RAD51B: variants seen among roughly 807,000 people sequenced by gnomAD.
The protein encoded by RAD51B is DNA repair protein RAD51 homolog 2.
RAD51B carries 38 observed loss-of-function variants against 42.2 expected under a neutral mutation model. That is an observed-to-expected ratio of 0.90 (90% CI 0.70 to 1.18). The LOEUF (loss-of-function observed/expected upper bound fraction) is 1.18. Ranked by LOEUF, RAD51B falls within the 50% of genes most tolerant of loss-of-function variation. The probability of loss-of-function intolerance (pLI) is 0.00; values close to 1 mark genes in which losing one functional copy is unlikely to be tolerated. For synonymous variants in RAD51B, 154 were observed against 145.2 expected (o/e 1.06, Z -0.43); for missense variants, 373 against 400.7 (o/e 0.93, Z 0.59).
intron 8 of RAD51B, among the ~76,000 whole-genome samples, chr14:68,342,350 T>C (rs1046709461): frequency 1.3e-5 from 2 of 152,236 alleles, no homozygotes; most frequent in African/African-American, 4.8e-5. Flanking sequence ...GGAAGGATTT[T>C]CCCTAAGTCA....
At chr14:68,580,393 C>G (rs1257818713) in intron 10 of RAD51B, among the ~76,000 whole-genome samples, 1 of 152,124 alleles carries the variant, frequency 6.6e-6, no homozygotes, top group African/African-American at 2.4e-5. Flanking sequence ...TTGGAGGAGG[C>G]CTGTCCTACC....
rs11158728 is a variant in RAD51B, at chr14:68,295,488, G to C, written c.853+3508G>C. On this transcript the variant is annotated intron_variant, in intron 8 of 10. Transcript: ENST00000471583. Reference sequence around the variant, plus strand: ...TCCTGACTTCTCCTCCCCCATAGACGTCCCTGCAGCCAGCCAGGGCTCGCT... The same window carrying C: ...TCCTGACTTCTCCTCCCCCATAGACCTCCCTGCAGCCAGCCAGGGCTCGCT... Among the ~76,000 whole-genome samples, 104 of 152,062 alleles carry C rather than the reference G, an allele frequency of 6.8e-4. 1 individual carries two copies. In the East Asian group the frequency reaches 0.018, roughly 26 times the overall value.
chr14:68,290,428 T>C (rs900815948), intron 7 of RAD51B, among the ~76,000 whole-genome samples: 1 of 152,194 alleles, frequency 6.6e-6, no homozygotes, highest in Non-Finnish European at 1.5e-5. Flanking sequence ...TTCTAAACAA[T>C]AAGGTAGGTT....
intron 7 of RAD51B, among the ~76,000 whole-genome samples, chr14:68,269,236 T>G (rs961736618): frequency 3.0e-4 from 45 of 152,234 alleles, no homozygotes; most frequent in African/African-American, 1.1e-3. Context: ...CAGCACATTT[T>G]AAAACATAAA....
intron 7 of RAD51B, among the ~76,000 whole-genome samples, chr14:68,247,657 C>T (rs959025805): frequency 6.6e-6 from 1 of 152,164 alleles, no homozygotes; most frequent in Non-Finnish European, 1.5e-5. Flanking sequence ...TAAGGAGAAA[C>T]ACTTGGAATA....
At chr14:67,904,412 T>C (rs1324028669) in intron 7 of RAD51B, among the ~76,000 whole-genome samples, 2 of 152,096 alleles carry the variant, frequency 1.3e-5, no homozygotes, top group African/African-American at 4.8e-5. Flanking sequence ...CTAGCATCTA[T>C]TATTTTTTGA....
chr14:68,038,997 A>G, intron 7 of RAD51B, among the ~76,000 whole-genome samples: 1 of 152,194 alleles, frequency 6.6e-6, no homozygotes, highest in East Asian at 1.9e-4. Flanking sequence ...TCATGTTGAT[A>G]GCTTCAAATT....
chr14:68,024,878 A>G (rs1047711059), intron 7 of RAD51B, among the ~76,000 whole-genome samples: 1 of 151,856 alleles, frequency 6.6e-6, no homozygotes. Flanking sequence ...TAGGATTTCC[A>G]GTAGTATGTT....
At chr14:68,554,313 C>T (rs772170070) in intron 10 of RAD51B, among the ~76,000 whole-genome samples, 1 of 152,206 alleles carries the variant, frequency 6.6e-6, no homozygotes, top group Non-Finnish European at 1.5e-5. Context: ...ATTAACCAAA[C>T]GAGCTAACAG....
chr14:68,009,941 T>C (rs2075655988), intron 7 of RAD51B, among the ~76,000 whole-genome samples: 1 of 151,936 alleles, frequency 6.6e-6, no homozygotes, highest in Non-Finnish European at 1.5e-5. Context: ...TCTAGGCTCC[T>C]TCAACCTATT....
intron 8 of RAD51B, among the ~76,000 whole-genome samples, chr14:68,317,755 A>C (rs975421160): frequency 1.3e-5 from 2 of 152,210 alleles, no homozygotes; most frequent in African/African-American, 4.8e-5. Flanking sequence ...TTTGAGTTGA[A>C]TTTTGAAAAA....
Position 68,537,536 on chromosome 14 carries a change from T to C in RAD51B, c.1037-56949T>C, listed in dbSNP as rs117367008. On this transcript the variant is annotated intron_variant, in intron 10 of 10. Transcript: ENST00000487270. ...GGAGCCATGAATCACTGAAACAGAT[T>C]TTATTTTTGTTTTTGTTTTATTTAC... Among the ~76,000 whole-genome samples the C allele has an allele frequency of 3.3e-5, 5 of 151,950 alleles. No homozygotes were observed. In the East Asian group the frequency reaches 9.6e-4, roughly 29 times the overall value.
intron 7 of RAD51B, among the ~76,000 whole-genome samples, chr14:68,101,456 C>G (rs921360132): frequency 2.0e-5 from 3 of 152,196 alleles, no homozygotes; most frequent in African/African-American, 7.2e-5. Flanking sequence ...GGGGTACAGG[C>G]ATTGGGTAAA....
chr14:68,494,817 G>A (rs1172386464), intron 10 of RAD51B, among the ~76,000 whole-genome samples: 1 of 152,056 alleles, frequency 6.6e-6, no homozygotes, highest in East Asian at 1.9e-4. Flanking sequence ...TTTACTAGAT[G>A]TAGGTTCCCA....
At chr14:68,063,463 C>T (rs987253515) in intron 7 of RAD51B, among the ~76,000 whole-genome samples, 2 of 152,096 alleles carry the variant, frequency 1.3e-5, no homozygotes, top group African/African-American at 2.4e-5. Flanking sequence ...GGGCTGGGCG[C>T]AGTGGCTCAC....
intron 7 of RAD51B, among the ~76,000 whole-genome samples, chr14:67,912,748 C>T (rs1018091412): frequency 3.3e-5 from 5 of 151,578 alleles, no homozygotes; most frequent in African/African-American, 1.2e-4. Context: ...CTCTGTTGCC[C>T]AGGCTAGAGT....
chr14:68,207,559 T>G (rs1232853028), intron 7 of RAD51B, among the ~76,000 whole-genome samples: 1 of 152,096 alleles, frequency 6.6e-6, no homozygotes, highest in Non-Finnish European at 1.5e-5. Context: ...AAAAAGATAC[T>G]AAAAGAGAAA....
chr14:68,063,608 C>T (rs950069258), intron 7 of RAD51B, among the ~76,000 whole-genome samples: 22 of 152,146 alleles, frequency 1.4e-4, no homozygotes, highest in African/African-American at 4.6e-4. Flanking sequence ...TGGTGATACA[C>T]GCCTGTGGTC....
intron 8 of RAD51B, among the ~76,000 whole-genome samples, chr14:68,310,026 A>T (rs976305963): frequency 2.6e-5 from 4 of 152,270 alleles, no homozygotes; most frequent in Admixed American, 2.0e-4. Context: ...TATTTGATTC[A>T]GGTTTTTTTA....
Sources: allele counts gnomAD v4.1 joint callset (sites outside exome capture counted in the v4.1 genomes callset), GRCh38; gene constraint gnomAD v4.1.1; transcripts MANE v1.5; gene names NCBI Gene and HGNC (gene_info 2026-07-23, HGNC 2026-07-21).